SEC14L5: variants seen among roughly 807,000 people sequenced by gnomAD.
The protein encoded by SEC14L5 is SEC14-like protein 5.
In SEC14L5, 96 loss-of-function variants were observed where a neutral mutation model predicts 84.6. The ratio of observed to expected loss-of-function variants is 1.13; its 90% confidence interval spans 0.96 to 1.34. The LOEUF (loss-of-function observed/expected upper bound fraction) is 1.34. Ranked by LOEUF, SEC14L5 falls within the 40% of genes most tolerant of loss-of-function variation. The pLI, the probability that SEC14L5 is intolerant of heterozygous loss-of-function variation, is 0.00. For synonymous variants in SEC14L5, 546 were observed against 383.4 expected, an observed-to-expected ratio of 1.42 and a Z score of -4.95; for missense variants, 1,224 against 942.5, an observed-to-expected ratio of 1.30 and a Z score of -3.91.
At chr16:4,959,181 G>C in intron 1 of SEC14L5, 92 bp from the exon 2 acceptor site, 1 of 666,750 alleles carries the variant, frequency 1.5e-6, no homozygotes, top group Non-Finnish European at 2.8e-6. Context: ...AGCTGTGTGG[G>C]TGGGGCCAGG....
chr16:4,997,690 C>T (rs1260078400), intron 8 of SEC14L5, among the ~76,000 whole-genome samples: 1 of 152,174 alleles, frequency 6.6e-6, no homozygotes, highest in African/African-American at 2.4e-5. Context: ...GAAATGTGTT[C>T]TTTCACAGTT....
chr16:4,995,349 G>A (rs533027325), intron 6 of SEC14L5, among the ~76,000 whole-genome samples: 31 of 152,282 alleles, frequency 2.0e-4, no homozygotes, highest in African/African-American at 7.2e-4. Flanking sequence ...GCAACATTCC[G>A]ACTACAACCG....
chr16:5,008,292 G>A (rs1596644397), intron 13 of SEC14L5, 129 bp from the exon 14 acceptor site: 1 of 678,454 alleles, frequency 1.5e-6, no homozygotes, highest in South Asian at 1.6e-5. Flanking sequence ...GGGCACTCCT[G>A]TAAGGAATGA....
rs1955761953 is a variant in SEC14L5 at position 5,008,585 on chromosome 16, C to T, written c.1737C>T (p.Val579=). The T allele has an allele frequency of 1.2e-6, 2 of 1,607,368 alleles. No individual in the cohort carries two copies. Among genetic ancestry groups the T allele is most frequent in the South Asian group, 1.1e-5 (1 of 90,054 alleles). The change falls in exon 14 of 16, where the codon GTC becomes GTT. Residue 579 remains valine (V), a synonymous_variant. Coordinates refer to ENST00000251170, the MANE Select transcript of SEC14L5 (RefSeq NM_014692.2). ...GGCAGCTGATCGACAAAGGCTGGGT[C>T]CTGGGCAGGGATTACAGCCGTGTGG... is the stretch of plus-strand genomic sequence containing the variant. ...ASGQLIDKGW[V]LGRDYSRVEA...
At position 5,017,917 on chromosome 16, in the gene SEC14L5, G is replaced by C. The variant is rs972373332; in HGVS notation, c.*2947G>C. ...AAAGGCTGGAAGTGCCTTGGCTTGGGCTTCTTGCATCATTAGTTCATTAAT... is the reference window on the plus strand; with the variant it reads ...AAAGGCTGGAAGTGCCTTGGCTTGGCCTTCTTGCATCATTAGTTCATTAAT... On this transcript the variant is annotated 3_prime_UTR_variant, in exon 16 of 16. Coordinates refer to ENST00000251170, the MANE Select transcript of SEC14L5 (RefSeq NM_014692.2). The C allele has an allele frequency of 6.6e-6, 1 of 152,212 alleles. No individual in the cohort carries two copies. The highest frequency in any genetic ancestry group is 2.4e-5 in the African/African-American group (1 of 41,440). The allele number at this position is 152,212 out of a possible 1,614,324, so 9.4% of individuals were successfully genotyped here. A position where few individuals can be genotyped will look rare whatever the true frequency, so the allele number is the denominator to read the frequency against.
At chr16:4,964,309 C>T (rs1955166130) in intron 2 of SEC14L5, among the ~76,000 whole-genome samples, 1 of 151,898 alleles carries the variant, frequency 6.6e-6, no homozygotes. Flanking sequence ...AGAACCAGGG[C>T]CGGGCATGGT....
chr16:4,982,531 G>A (rs1417456117), intron 2 of SEC14L5, among the ~76,000 whole-genome samples: 1 of 152,094 alleles, frequency 6.6e-6, no homozygotes, highest in Non-Finnish European at 1.5e-5. Context: ...GAGGACCTCC[G>A]CCCGCACAGA....
intron 12 of SEC14L5, 127 bp from the exon 13 acceptor site, chr16:5,007,225 C>T (rs1015109428): frequency 1.4e-6 from 1 of 736,246 alleles, no homozygotes; most frequent in African/African-American, 1.8e-5. Flanking sequence ...TCATGGAAGC[C>T]CACAGCCCAT....
chr16:5,000,240 G>A (rs1236330692), intron 8 of SEC14L5, among the ~76,000 whole-genome samples: 1 of 152,110 alleles, frequency 6.6e-6, no homozygotes, highest in African/African-American at 2.4e-5. Context: ...ACAGTGAGCC[G>A]AGATCGCACC....
chr16:5,013,309 TG>T (rs1955829842), intron 15 of SEC14L5, among the ~76,000 whole-genome samples: 1 of 151,410 alleles, frequency 6.6e-6, no homozygotes, highest in Non-Finnish European at 1.5e-5. Context: ...GGAGAGAGGG[TG>T]GGGGAAGTAA....
chr16:4,975,735 A>G (rs1342791432), intron 2 of SEC14L5, among the ~76,000 whole-genome samples: 1 of 152,134 alleles, frequency 6.6e-6, no homozygotes, highest in African/African-American at 2.4e-5. Context: ...GTAGATTGAT[A>G]TCACATCTGT....
chr16:5,008,061 G>C (rs935706426), intron 13 of SEC14L5, among the ~76,000 whole-genome samples: 11 of 151,854 alleles, frequency 7.2e-5, no homozygotes, highest in African/African-American at 1.5e-4. Flanking sequence ...GTGCCAGCCA[G>C]CATGCCTGGC....
At chr16:5,012,983 G>A (rs943980136) in intron 15 of SEC14L5, among the ~76,000 whole-genome samples, 1 of 152,014 alleles carries the variant, frequency 6.6e-6, no homozygotes, top group Admixed American at 6.6e-5. Context: ...TGCATGACTG[G>A]GGAAGCCTCA....
chr16:5,008,344 C>G (rs974366465), intron 13 of SEC14L5, 77 bp from the exon 14 acceptor site: 15 of 1,057,048 alleles, frequency 1.4e-5, no homozygotes, highest in Non-Finnish European at 2.0e-5. Flanking sequence ...CACCCACAGC[C>G]CCTCCTGCCA....
At chr16:4,988,054 G>C in intron 3 of SEC14L5, 95 bp from the exon 4 acceptor site, 1 of 1,359,160 alleles carries the variant, frequency 7.4e-7, no homozygotes, top group Non-Finnish European at 1.0e-6. Context: ...ACTCAGGGCA[G>C]GGGGTGACTG....
chr16:4,963,502 C>A (rs1369119902), intron 2 of SEC14L5, among the ~76,000 whole-genome samples: 2 of 152,208 alleles, frequency 1.3e-5, no homozygotes, highest in African/African-American at 4.8e-5. Flanking sequence ...TGTGCTACCA[C>A]ACTTGACTAA....
At chr16:4,990,003 A>G (rs1425863571) in intron 4 of SEC14L5, among the ~76,000 whole-genome samples, 1 of 152,068 alleles carries the variant, frequency 6.6e-6, no homozygotes, top group Non-Finnish European at 1.5e-5. Flanking sequence ...ATACAGATCT[A>G]TAAATGTTTA....
In SEC14L5 at chr16:5,008,541, C is replaced by T; in HGVS notation, c.1693C>T (p.Pro565Ser). Residue 565 changes from proline to serine, a missense_variant, in exon 14 of 16, where the codon CCG (proline) becomes TCG (serine). Physicochemically the swap from Pro to Ser is moderately conservative, Grantham distance 74 (BLOSUM62 -1). Coordinates refer to ENST00000251170, the MANE Select transcript of SEC14L5 (RefSeq NM_014692.2). ...GGCGCCCAGGCTGGGCGCCCGGGAA[C>T]CGGGGACCAGGGCCAGCGGGCAGCT... is the stretch of plus-strand genomic sequence containing the variant. Reference protein sequence around the residue: ...KQAPRLGAREPGTRASGQLID... With the variant: ...KQAPRLGARESGTRASGQLID... The T allele has an allele frequency of 6.2e-7, 1 of 1,609,390 alleles. No individual in the cohort carries two copies.
chr16:4,989,636 C>G (rs528330786), intron 4 of SEC14L5, among the ~76,000 whole-genome samples: 1 of 152,182 alleles, frequency 6.6e-6, no homozygotes, highest in Non-Finnish European at 1.5e-5. Flanking sequence ...CATGAGCCAC[C>G]GTACCCGGCT....
Sources: gnomAD v4.1 joint callset for allele counts (sites outside exome capture counted in the v4.1 genomes callset) on GRCh38, gnomAD v4.1.1 for gene constraint, MANE v1.5 for transcripts, NCBI Gene and HGNC (gene_info 2026-07-23, HGNC 2026-07-21) for gene names.